The following AP3D1 variants were observed in gnomAD, a reference collection of about 807,000 sequenced individuals.
AP3D1 encodes the protein AP-3 complex subunit delta-1.
AP3D1 carries 51 observed loss-of-function variants against 147.6 expected under a neutral mutation model. The observed-to-expected ratio is 0.35, with a 90% CI of 0.28 to 0.44. The LOEUF is 0.44. Ranked by LOEUF, AP3D1 falls within the 20% of genes least tolerant of loss-of-function variation. The pLI is 1.00. For missense variants in AP3D1, 1,421 were observed against 1,624.2 expected (o/e 0.87, Z 2.15); for synonymous variants, 760 against 663.0 (o/e 1.15, Z -2.25).
At chr19:2,124,223 A>G (rs76176310) in intron 9 of AP3D1, among the ~76,000 whole-genome samples, 8,301 of 152,314 alleles carry the variant, frequency 0.054, 337 homozygotes, top group East Asian at 0.21. Flanking sequence ...CAGACCCTGT[A>G]GGAACCCAGG....
intron 23 of AP3D1, 69 bp downstream of exon 23, chr19:2,113,267 C>G: frequency 1.1e-6 from 1 of 870,090 alleles, no homozygotes; most frequent in Non-Finnish European, 1.8e-6. Context: ...ACCCAGGGCT[C>G]TTCCCTGAGT....
At position 2,121,002 on chromosome 19, in the gene AP3D1, G is replaced by T. The variant is rs759116087; in HGVS notation, c.1341C>A (p.Arg447=). Residue 447 remains arginine (R), a synonymous_variant, in exon 14 of 32, where the codon CGC becomes CGA. Transcript: ENST00000643116. ...CGGCGAACTTGCGGATGGCCTTCACGCGGATGGCCACGTCCAGCATTTGGG... is the reference window on the plus strand; with the variant it reads ...CGGCGAACTTGCGGATGGCCTTCACTCGGATGGCCACGTCCAGCATTTGGG... The part of the protein sequence containing the change: ...IAAQMLDVAI[R]VKAIRKFAVS... 1 of 1,612,172 alleles carries T rather than the reference G, an allele frequency of 6.2e-7. No homozygotes were observed. Among genetic ancestry groups the T allele is most frequent in the Non-Finnish European group, 8.5e-7 (1 of 1,180,000 alleles).
At position 2,118,775 on chromosome 19, in the gene AP3D1, C is replaced by T. The variant is rs376390803; in HGVS notation, c.1539G>A (p.Thr513=). The part of the protein sequence containing the change: ...LEAMLRPRVT[T]LPGHIQAVYV... ...ACACGGCCTGGATGTGGCCTGGCAG[C>T]GTGGTGACTCTGGGCCGCAGCATGG... Residue 513 remains threonine, a synonymous_variant, in exon 15 of 32, where the codon ACG becomes ACA. Coordinates refer to ENST00000643116, the MANE Select transcript of AP3D1 (RefSeq NM_001261826.3). 27 of 1,613,668 alleles carry T rather than the reference C, an allele frequency of 1.7e-5. No homozygotes were observed. Among genetic ancestry groups the T allele is most frequent in the East Asian group, 2.2e-5 (1 of 44,894 alleles).
At chr19:2,122,310 G>A (rs1177253779) in intron 11 of AP3D1, among the ~76,000 whole-genome samples, 2 of 152,246 alleles carry the variant, frequency 1.3e-5, no homozygotes, top group Non-Finnish European at 2.9e-5. Flanking sequence ...ACAGCTAAGG[G>A]TGGCTGGGCA....
intron 1 of AP3D1, among the ~76,000 whole-genome samples, chr19:2,161,155 GTTTTTTT>G (rs58654241): frequency 4.8e-5 from 6 of 125,380 alleles, no homozygotes; most frequent in Admixed American, 2.5e-4. Flanking sequence ...GCTTCTCCTA[GTTTTTTT>G]TTTTTTTTTT....
chr19:2,144,791 T>C (rs2019314242), intron 1 of AP3D1, among the ~76,000 whole-genome samples: 2 of 152,092 alleles, frequency 1.3e-5, no homozygotes, highest in African/African-American at 2.4e-5. Context: ...TAATCCCAGC[T>C]ACTCAGGAGG....
chr19:2,108,704 A>G lies in AP3D1; in HGVS notation c.3535T>C (p.Cys1179Arg). ...AGGCTCACCTTTTTCACCAGGAGGC[A>G]GACATGGTGGCCCTGGATGGAGCGG... The part of the protein sequence containing the change: ...YSRSIQGHHV[C>R]LLVKKGENSV... Residue 1179 changes from cysteine to arginine, a missense_variant, in exon 31 of 32, where the codon TGC becomes CGC. Cys to Arg is a radical substitution (Grantham distance 180). This residue lies in a region of AP3D1 where 791 missense variants were observed against 761.4 expected (regional missense o/e 1.04). Coordinates refer to ENST00000643116, the MANE Select transcript of AP3D1 (RefSeq NM_001261826.3). 1 of 1,582,826 alleles carries G rather than the reference A, an allele frequency of 6.3e-7. No homozygotes were observed. The highest frequency in any genetic ancestry group is 1.8e-5 in the Admixed American group (1 of 55,892).
chr19:2,137,869 C>T (rs948836399), intron 2 of AP3D1, 62 bp from the exon 3 acceptor site: 14 of 1,530,250 alleles, frequency 9.1e-6, no homozygotes, highest in South Asian at 6.7e-5. Context: ...GGTTTTGAGC[C>T]GCGGCATCAA....
intron 31 of AP3D1, among the ~76,000 whole-genome samples, chr19:2,107,627 C>G (rs892652928): frequency 3.3e-4 from 50 of 151,662 alleles, no homozygotes; most frequent in African/African-American, 1.2e-3. Context: ...GTAGTCCCAG[C>G]TACTTGGGAG....
intron 4 of AP3D1, 98 bp downstream of exon 4, chr19:2,136,913 G>A (rs1231778295): frequency 8.6e-7 from 1 of 1,157,378 alleles, no homozygotes; most frequent in Non-Finnish European, 1.3e-6. Flanking sequence ...GGGGCCACAG[G>A]CACCTGCTGC....
chr19:2,121,709 C>G, intron 12 of AP3D1, 25 bp downstream of exon 12: 1 of 1,548,646 alleles, frequency 6.5e-7, no homozygotes, highest in African/African-American at 1.4e-5. Flanking sequence ...GCCAGGCGGG[C>G]GGGCGGCGGA....
chr19:2,144,438 C>T (rs1258221447), intron 1 of AP3D1, among the ~76,000 whole-genome samples: 2 of 152,168 alleles, frequency 1.3e-5, no homozygotes, highest in African/African-American at 4.8e-5. Context: ...ACAACTGAGG[C>T]TGGTGCAGCA....
chr19:2,137,621 G>T, intron 3 of AP3D1, 106 bp downstream of exon 3: 2 of 1,004,338 alleles, frequency 2.0e-6, no homozygotes, highest in South Asian at 1.4e-5. Context: ...GGGTAACAGA[G>T]CTAGACTCTG....
intron 1 of AP3D1, among the ~76,000 whole-genome samples, chr19:2,163,874 G>T (rs1460258648): frequency 6.7e-6 from 1 of 149,870 alleles, no homozygotes; most frequent in African/African-American, 2.4e-5. Context: ...ACGCGCCGGC[G>T]TCTTCGCTCC....
chr19:2,114,674 C>T (rs546073495), intron 21 of AP3D1, 74 bp downstream of exon 21: 33 of 1,390,190 alleles, frequency 2.4e-5, no homozygotes, highest in African/African-American at 2.0e-4. Flanking sequence ...CGGCCCCACC[C>T]GGAAGGGAGG....
chr19:2,106,243 A>G (rs1160914182), intron 31 of AP3D1, among the ~76,000 whole-genome samples: 4 of 152,122 alleles, frequency 2.6e-5, no homozygotes, highest in Non-Finnish European at 5.9e-5. Flanking sequence ...CACAGGACCC[A>G]GCAATCACAC....
intron 1 of AP3D1, among the ~76,000 whole-genome samples, chr19:2,144,364 G>A (rs1021527192): frequency 6.6e-6 from 1 of 152,144 alleles, no homozygotes; most frequent in Non-Finnish European, 1.5e-5. Context: ...GGAGCAGAGC[G>A]GCCGCGGCCA....
chr19:2,106,709 T>G (rs1483779999), intron 31 of AP3D1, among the ~76,000 whole-genome samples: 1 of 152,168 alleles, frequency 6.6e-6, no homozygotes, highest in African/African-American at 2.4e-5. Flanking sequence ...CAACAAAATA[T>G]GATTCTGCTG....
Position 2,123,500 on chromosome 19 carries a change from G to A in AP3D1, c.907-94C>T, listed in dbSNP as rs1033298308. The A allele has an allele frequency of 1.1e-5, 15 of 1,340,174 alleles. 1 individual carries two copies. The Admixed American group carries it at 2.4e-4, about 21-fold the overall frequency. 83.0% of individuals were successfully genotyped at this position (1,340,174 alleles called of 1,614,324 possible). ...CAGATTCAACCTCAACCTGGCCTAA[G>A]GCCCGGCGTCAGCCCCACCCACCAA... On this transcript the variant is annotated intron_variant, in intron 10 of 31. Coordinates refer to ENST00000643116, the MANE Select transcript of AP3D1 (RefSeq NM_001261826.3).
Sources: gnomAD v4.1 joint callset for allele counts (sites outside exome capture counted in the v4.1 genomes callset) on GRCh38, gnomAD v4.1.1 for gene constraint, gnomAD v4.1.1 regional missense constraint, MANE v1.5 for transcripts, NCBI Gene and HGNC (gene_info 2026-07-23, HGNC 2026-07-21) for gene names.